The following EP300 variants were observed in gnomAD, a reference collection of about 807,000 sequenced individuals.
The protein encoded by EP300 is histone acetyltransferase p300.
A neutral mutation model predicts 264.0 loss-of-function variants in EP300; 31 were observed. That is an observed-to-expected ratio of 0.12 (90% CI 0.09 to 0.16). The LOEUF is 0.16. Among genes scored for constraint, EP300 ranks in the 10% least tolerant of loss-of-function variants. EP300 has a pLI of 1.00. For missense variants in EP300, 2,766 were observed against 3,052.9 expected (o/e 0.91, Z 2.21); for synonymous variants, 1,340 against 1,045.4 (o/e 1.28, Z -5.44).
intron 2 of EP300, among the ~76,000 whole-genome samples, chr22:41,121,518 C>A (rs1197411824): frequency 6.6e-6 from 1 of 151,978 alleles, no homozygotes; most frequent in Non-Finnish European, 1.5e-5. Context: ...CTTTTTTGGT[C>A]ACAGTGACCA....
intron 1 of EP300, among the ~76,000 whole-genome samples, chr22:41,112,042 C>T (rs1179254561): frequency 9.2e-5 from 14 of 151,840 alleles, no homozygotes; most frequent in East Asian, 3.9e-4. Flanking sequence ...CATCCGCCAC[C>T]GCGCCCAGCT....
rs978868227 is a variant in EP300, at chr22:41,177,873, T to G, written c.6162T>G (p.Leu2054=). The G allele has an allele frequency of 6.2e-7, 1 of 1,614,012 alleles. No homozygotes were observed. The change falls in exon 31 of 31, where the codon CTT becomes CTG. Residue 2054 remains leucine, a synonymous_variant. Coordinates refer to ENST00000263253, the MANE Select transcript of EP300 (RefSeq NM_001429.4). ...GTVSQQALQN[L]LRTLRSPSSP... is the part of the protein sequence containing the mutation. ...TGTCTCAACAAGCCTTACAAAACCT[T>G]TTGCGGACTCTCAGGTCTCCCAGCT...
chr22:41,153,718 C>T (rs1004957149), intron 16 of EP300, among the ~76,000 whole-genome samples: 6 of 152,166 alleles, frequency 3.9e-5, no homozygotes, highest in Admixed American at 2.0e-4. Context: ...GGCGCCACTG[C>T]ACTCCAGCCT....
In EP300 at chr22:41,117,260, C is replaced by T; in HGVS notation, c.168C>T (p.Thr56=). The T allele has an allele frequency of 1.2e-6, 2 of 1,614,142 alleles. No individual in the cohort carries two copies. The highest frequency in any genetic ancestry group is 1.7e-6 in the Non-Finnish European group (2 of 1,180,028). The change falls in exon 2 of 31, where the codon ACC becomes ACT. Residue 56 remains threonine, a synonymous_variant. Coordinates refer to ENST00000263253, the MANE Select transcript of EP300 (RefSeq NM_001429.4). ...ELINSTELGL[T]NGGDINQLQT... The stretch of plus-strand genomic sequence containing the variant: ...TCAACTCTACAGAATTGGGACTAAC[C>T]AATGGTGGTGATATTAATCAGCTTC...
Position 41,125,953 on chromosome 22 carries a change from G to A in EP300, c.819G>A (p.Gln273=), listed in dbSNP as rs1291106008. The A allele has an allele frequency of 1.2e-6, 2 of 1,614,096 alleles. No individual in the cohort carries two copies. The highest frequency in any genetic ancestry group is 2.2e-5 in the East Asian group (1 of 44,904). ...TTGGAGCCAGTGGCCTTGGTCTCCAGATTCAGACAAAAACTGTACTATCAA... is the reference window on the plus strand; with the variant it reads ...TTGGAGCCAGTGGCCTTGGTCTCCAAATTCAGACAAAAACTGTACTATCAA... ...QQIGASGLGL[Q]IQTKTVLSNN... is the part of the protein sequence containing the mutation. The change falls in exon 3 of 31, where the codon CAG becomes CAA. Residue 273 remains glutamine (Q), a synonymous_variant. Transcript: ENST00000263253.
At chr22:41,110,842 A>T (rs2058786053) in intron 1 of EP300, among the ~76,000 whole-genome samples, 2 of 152,070 alleles carry the variant, frequency 1.3e-5, no homozygotes, top group Admixed American at 1.3e-4. Context: ...GTACTGGGGA[A>T]TGATGTTTTT....
In EP300 at chr22:41,145,576, G is replaced by T. The variant is rs5758245; in HGVS notation, c.2054-1163G>T. On this transcript the variant is annotated intron_variant, in intron 10 of 30. Transcript: ENST00000263253. ...GCACTATGTTGAAAGTACTACACTAGAGCATGTGCAGATAATCCAGGAAAA... is the reference window on the plus strand; with the variant it reads ...GCACTATGTTGAAAGTACTACACTATAGCATGTGCAGATAATCCAGGAAAA... 3.3e-5 allele frequency among the ~76,000 whole-genome samples: 5 copies of T among 152,230 alleles called. No homozygotes were observed. In the South Asian group the frequency reaches 1.0e-3, roughly 32 times the overall value.
intron 1 of EP300, among the ~76,000 whole-genome samples, chr22:41,096,891 A>G (rs1454266927): frequency 6.6e-6 from 1 of 152,094 alleles, no homozygotes; most frequent in Non-Finnish European, 1.5e-5. Context: ...AGTGCTGGGA[A>G]TACAGGCGTG....
At chr22:41,157,789 G>A (rs1479320834) in intron 18 of EP300, among the ~76,000 whole-genome samples, 1 of 152,070 alleles carries the variant, frequency 6.6e-6, no homozygotes, top group Non-Finnish European at 1.5e-5. Flanking sequence ...CCAAAGTGCT[G>A]GAATTACAGT....
At chr22:41,136,006 T>C in intron 7 of EP300, 100 bp downstream of exon 7, 1 of 896,032 alleles carries the variant, frequency 1.1e-6, no homozygotes. Flanking sequence ...GGTTTGAGGA[T>C]GTCTTTGAAT....
intron 1 of EP300, among the ~76,000 whole-genome samples, chr22:41,100,587 A>G (rs896465064): frequency 1.3e-5 from 2 of 152,218 alleles, no homozygotes; most frequent in African/African-American, 4.8e-5. Flanking sequence ...TGTACTGGAC[A>G]TGTACAGACT....
intron 20 of EP300, among the ~76,000 whole-genome samples, chr22:41,161,251 G>A (rs1259354210): frequency 2.0e-5 from 3 of 152,160 alleles, no homozygotes; most frequent in South Asian, 2.1e-4. Context: ...AGATTTGCTT[G>A]TGCTTTGCAG....
chr22:41,161,727 A>T (rs1298807494), intron 20 of EP300, among the ~76,000 whole-genome samples: 1 of 152,206 alleles, frequency 6.6e-6, no homozygotes, highest in Non-Finnish European at 1.5e-5. Context: ...TTTTAATATT[A>T]TTGAAAGTTC....
Position 41,140,184 on chromosome 22 carries a change from A to G in EP300, c.1805A>G (p.Asp602Gly). ...FPTPDPAALK[D>G]RRMENLVAYA... ...ACGCCGGATCCTGCTGCTTTAAAAG[A>G]CAGACGGATGGAAAACCTAGTTGCA... Residue 602 changes from aspartate (D) to glycine (G), a missense_variant, in exon 9 of 31, where the codon GAC becomes GGC. By Grantham distance (94) the Asp-to-Gly change is moderately conservative (BLOSUM62 -1). Coordinates refer to ENST00000263253, the MANE Select transcript of EP300 (RefSeq NM_001429.4). 1 of 1,614,204 alleles carries G rather than the reference A, an allele frequency of 6.2e-7. No individual in the cohort carries two copies. The highest frequency in any genetic ancestry group is 8.5e-7 in the Non-Finnish European group (1 of 1,180,022).
At chr22:41,113,157 A>AACCCCCC (rs2058802817) in intron 1 of EP300, among the ~76,000 whole-genome samples, 8 of 92,916 alleles carry the variant, frequency 8.6e-5, no homozygotes, top group African/African-American at 1.3e-4. Flanking sequence ...TCAGGATTCC[A>AACCCCCC]CCCCCCCCCC....
intron 25 of EP300, 119 bp downstream of exon 25, chr22:41,168,986 T>G (rs554198315): frequency 7.2e-7 from 1 of 1,397,696 alleles, no homozygotes; most frequent in South Asian, 1.2e-5. Context: ...ATGCAAAATC[T>G]CAAGTGTCCA....
intron 6 of EP300, among the ~76,000 whole-genome samples, chr22:41,134,964 G>A (rs2058942133): frequency 6.6e-6 from 1 of 152,020 alleles, no homozygotes; most frequent in Non-Finnish European, 1.5e-5. Context: ...CTGGAGTGTA[G>A]TGGCGCCATC....
At chr22:41,127,780 C>T (rs762080285) in intron 4 of EP300, 32 bp downstream of exon 4, 1 of 1,613,378 alleles carries the variant, frequency 6.2e-7, no homozygotes, top group Admixed American at 1.7e-5. Flanking sequence ...CTGTACTTAG[C>T]AATTTTTACA....
intron 2 of EP300, among the ~76,000 whole-genome samples, chr22:41,124,934 T>G (rs976054238): frequency 1.1e-4 from 17 of 151,632 alleles, no homozygotes; most frequent in African/African-American, 2.9e-4. Context: ...GTATAGTGGG[T>G]TTTTTTTGTT....
Sources: gnomAD v4.1 joint callset for allele counts (sites outside exome capture counted in the v4.1 genomes callset) on GRCh38, gnomAD v4.1.1 for gene constraint, MANE v1.5 for transcripts, NCBI Gene and HGNC (gene_info 2026-07-23, HGNC 2026-07-21) for gene names.